Variants in ALG5 observed in about 807,000 individuals in gnomAD.
ALG5 encodes the protein ALG5 dolichyl-phosphate beta-glucosyltransferase, also known as dolichyl-phosphate beta-glucosyltransferase.
Under a neutral mutation model 51.8 loss-of-function variants are expected in ALG5, and 26 were observed. The observed-to-expected ratio is 0.50, with a 90% CI of 0.37 to 0.70. The LOEUF (loss-of-function observed/expected upper bound fraction) is 0.70, where lower values mean the gene tolerates loss of function less well. Ranked by LOEUF, ALG5 falls within the 30% of genes least tolerant of loss-of-function variation. The pLI, the probability that ALG5 is intolerant of heterozygous loss-of-function variation, is 0.00. For missense variants in ALG5, 311 were observed against 399.3 expected (o/e 0.78, Z 1.88); for synonymous variants, 141 against 136.1 (o/e 1.04, Z -0.25).
At chr13:36,996,335 A>G (rs1169317162) in intron 1 of ALG5, among the ~76,000 whole-genome samples, 1 of 152,166 alleles carries the variant, frequency 6.6e-6, no homozygotes, top group Non-Finnish European at 1.5e-5. Flanking sequence ...TTCATTTGTA[A>G]TTTAATGATC....
chr13:36,967,591 A>T (rs1434220308), intron 7 of ALG5: 2 of 285,268 alleles, frequency 7.0e-6, no homozygotes, highest in Non-Finnish European at 1.4e-5. Context: ...TGGTATGTAA[A>T]ACAAACTTTT....
At chr13:36,956,987 CAT>C (rs1392759366) in intron 8 of ALG5, among the ~76,000 whole-genome samples, 1 of 151,992 alleles carries the variant, frequency 6.6e-6, no homozygotes, top group Non-Finnish European at 1.5e-5. Context: ...CTCATGAGGA[CAT>C]AGTTTCCTCC....
At position 36,999,307 on chromosome 13, in the gene ALG5, T is replaced by C. The variant is rs368835581; in HGVS notation, c.-7A>G. 6.4e-7 allele frequency: 1 copy of C among 1,569,828 alleles called. No homozygotes were observed. The highest frequency in any genetic ancestry group is 8.6e-7 in the Non-Finnish European group (1 of 1,161,206). On this transcript the variant is annotated 5_prime_UTR_variant, in exon 1 of 10. It removes an upstream start codon present in the reference 5' UTR. Transcript: ENST00000239891. ...GCAACAGAAGCGGAGCCATTCTCCATGCCGTGGCAGCCCGCCCAATCCCGC... is the reference window on the plus strand; with the variant it reads ...GCAACAGAAGCGGAGCCATTCTCCACGCCGTGGCAGCCCGCCCAATCCCGC...
At chr13:36,971,624 G>A in intron 7 of ALG5, among the ~76,000 whole-genome samples, 1 of 113,828 alleles carries the variant, frequency 8.8e-6, no homozygotes, top group Non-Finnish European at 1.6e-5. Flanking sequence ...ACTCCAGCCT[G>A]GGCAACAGAG....
intron 7 of ALG5, among the ~76,000 whole-genome samples, chr13:36,966,338 C>T (rs2058893421): frequency 6.6e-6 from 1 of 152,156 alleles, no homozygotes; most frequent in Non-Finnish European, 1.5e-5. Flanking sequence ...TTAATCCCAT[C>T]TGAAGTTTCA....
intron 6 of ALG5, among the ~76,000 whole-genome samples, chr13:36,980,296 G>A (rs151196930): frequency 0.015 from 2,290 of 152,136 alleles, 25 homozygotes; most frequent in South Asian, 0.023. Flanking sequence ...GTGCAGTGGC[G>A]CAGTCCCGAC....
At chr13:36,977,621 G>A (rs1031892788) in intron 6 of ALG5, among the ~76,000 whole-genome samples, 10 of 151,426 alleles carry the variant, frequency 6.6e-5, no homozygotes, top group East Asian at 2.0e-4. Context: ...GTGAAACCCC[G>A]TCTCTACTAA....
At chr13:36,959,144 G>C (rs2058854004) in intron 8 of ALG5, among the ~76,000 whole-genome samples, 1 of 152,146 alleles carries the variant, frequency 6.6e-6, no homozygotes, top group Non-Finnish European at 1.5e-5. Flanking sequence ...TCACTTTTAT[G>C]TGGAATCTAA....
intron 9 of ALG5, among the ~76,000 whole-genome samples, chr13:36,950,683 G>A (rs959237947): frequency 1.3e-5 from 2 of 151,748 alleles, no homozygotes; most frequent in Non-Finnish European, 2.9e-5. Context: ...GGGCTCAAAC[G>A]ATCCAGTCCT....
intron 4 of ALG5, among the ~76,000 whole-genome samples, chr13:36,991,928 C>A (rs1386079798): frequency 6.6e-6 from 1 of 152,176 alleles, no homozygotes; most frequent in Non-Finnish European, 1.5e-5. Context: ...CCACCATGCC[C>A]AGCCCAGAGA....
chr13:36,991,818 C>T (rs530225599), intron 4 of ALG5, among the ~76,000 whole-genome samples: 1 of 152,098 alleles, frequency 6.6e-6, no homozygotes, highest in African/African-American at 2.4e-5. Context: ...GGAGTTCAGT[C>T]GTGCGATCAC....
intron 8 of ALG5, among the ~76,000 whole-genome samples, chr13:36,954,402 C>T (rs1341356727): frequency 6.6e-6 from 1 of 151,996 alleles, no homozygotes; most frequent in Non-Finnish European, 1.5e-5. Flanking sequence ...ATTATGTATC[C>T]CAGGTCTTGA....
intron 6 of ALG5, among the ~76,000 whole-genome samples, chr13:36,985,317 G>A (rs2138819010): frequency 6.6e-6 from 1 of 152,056 alleles, no homozygotes; most frequent in Non-Finnish European, 1.5e-5. Context: ...CTGGAATTCA[G>A]GCTATACTTT....
intron 8 of ALG5, among the ~76,000 whole-genome samples, chr13:36,954,334 T>C (rs1267708376): frequency 6.6e-6 from 1 of 152,188 alleles, no homozygotes; most frequent in African/African-American, 2.4e-5. Flanking sequence ...TTTTGAATTT[T>C]CATCTCTGTG....
chr13:36,950,088 A>G, intron 9 of ALG5, 31 bp from the exon 10 acceptor site: 3 of 1,384,240 alleles, frequency 2.2e-6, no homozygotes, highest in Non-Finnish European at 3.1e-6. Flanking sequence ...AAAACAAATT[A>G]GCTTAAATAA....
chr13:36,964,654 T>G (rs1409285905), intron 8 of ALG5, among the ~76,000 whole-genome samples: 1 of 152,102 alleles, frequency 6.6e-6, no homozygotes, highest in Non-Finnish European at 1.5e-5. Context: ...TAAGATGAAG[T>G]AGACTGGGTG....
chr13:36,969,796 A>G (rs897860678), intron 7 of ALG5, among the ~76,000 whole-genome samples: 5 of 152,040 alleles, frequency 3.3e-5, no homozygotes, highest in African/African-American at 1.2e-4. Flanking sequence ...CGGCCTCTCA[A>G]AGTGCTGGGA....
At chr13:36,957,348 G>A (rs1440337278) in intron 8 of ALG5, among the ~76,000 whole-genome samples, 3 of 151,586 alleles carry the variant, frequency 2.0e-5, no homozygotes, top group South Asian at 2.1e-4. Flanking sequence ...CTGGTTGGGC[G>A]GAGGCCTTCC....
At position 36,950,022 on chromosome 13, in the gene ALG5, T is replaced by C; in HGVS notation, c.895A>G (p.Met299Val). Reference protein sequence around the residue: ...KLVPFWSWLQMGKDLLFIRLR... With the variant: ...KLVPFWSWLQVGKDLLFIRLR... ...CGTATAAAAAGTAGGTCTTTACCCA[T>C]TTGTAGCCAGCTCCAGAATGGAACT... is the stretch of plus-strand genomic sequence containing the variant. The change falls in exon 10 of 10, where the codon ATG becomes GTG. Residue 299 changes from methionine to valine, a missense_variant. By Grantham distance (21) the Met-to-Val change is conservative. Coordinates refer to ENST00000239891, the MANE Select transcript of ALG5 (RefSeq NM_013338.5). 1 of 1,612,786 alleles carries C rather than the reference T, an allele frequency of 6.2e-7. No individual in the cohort carries two copies. Among genetic ancestry groups the C allele is most frequent in the Non-Finnish European group, 8.5e-7 (1 of 1,179,616 alleles).
Sources: gnomAD v4.1 joint callset for allele counts (sites outside exome capture counted in the v4.1 genomes callset) on GRCh38, gnomAD v4.1.1 for gene constraint, MANE v1.5 for transcripts, NCBI Gene and HGNC (gene_info 2026-07-23, HGNC 2026-07-21) for gene names.